RIPOR1: variants seen among roughly 807,000 people sequenced by gnomAD.
The protein encoded by RIPOR1 is RHO family interacting cell polarization regulator 1.
Under a neutral mutation model 116.5 loss-of-function variants are expected in RIPOR1, and 58 were observed. The observed-to-expected ratio is 0.50, with a 90% CI of 0.40 to 0.62. The LOEUF is 0.62. Ranked by LOEUF, RIPOR1 falls within the 20% of genes least tolerant of loss-of-function variation. The pLI, the probability that RIPOR1 is intolerant of heterozygous loss-of-function variation, is 0.00. For missense variants in RIPOR1, 1,372 were observed against 1,586.2 expected (o/e 0.86, Z 2.29); for synonymous variants, 605 against 650.0 (o/e 0.93, Z 1.05).
At position 67,543,686 on chromosome 16, in the gene RIPOR1, C is replaced by T. The variant is rs1319706844; in HGVS notation, c.2600+217C>T. On this transcript the variant is annotated intron_variant, in intron 14 of 21. Transcript: ENST00000042381. This position sits in a 1 kb window ranked among gnomAD's most constrained non-coding sequence, Gnocchi z 4.7. Reference sequence around the variant, plus strand: ...CCCATGTCTCCAACCCTACGTGTGTCCCCAGTGCTTCTGACCGCCCTCTTC... The same window carrying T: ...CCCATGTCTCCAACCCTACGTGTGTTCCCAGTGCTTCTGACCGCCCTCTTC... 6 of 637,152 alleles carry T rather than the reference C, an allele frequency of 9.4e-6. No homozygotes were observed. The highest frequency in any genetic ancestry group is 1.6e-5 in the Non-Finnish European group (6 of 368,740). The allele number at this position is 637,152 out of a possible 1,614,324, so 39.5% of individuals were successfully genotyped here.
intron 1 of RIPOR1, among the ~76,000 whole-genome samples, chr16:67,519,928 G>A (rs971878604): frequency 7.9e-5 from 12 of 151,552 alleles, no homozygotes; most frequent in African/African-American, 2.9e-4. Flanking sequence ...CGGGTGTGGT[G>A]GCGGGCACCT....
rs902013486 is a variant in RIPOR1, at chr16:67,530,608, T to C, written c.-24+1694T>C. ...AGAGGCAGCTGGCCTGGCACAGTGC[T>C]GAGATGGGCAGCCCAGGTGGTGGGA... On this transcript the variant is annotated intron_variant, in intron 1 of 21. Transcript: ENST00000042381. The surrounding 1 kb of genome is among the most constrained non-coding windows in gnomAD (Gnocchi z 4.5). Among the ~76,000 whole-genome samples, 1 of 152,150 alleles carries C rather than the reference T, an allele frequency of 6.6e-6. No homozygotes were observed. Among genetic ancestry groups the C allele is most frequent in the African/African-American group, 2.4e-5 (1 of 41,434 alleles).
At chr16:67,524,500 CCT>C, upstream of RIPOR1, among the ~76,000 whole-genome samples, 1 of 152,268 alleles carries the variant, frequency 6.6e-6, no homozygotes, top group Admixed American at 6.5e-5. Context: ...AGCTCAGACC[CCT>C]CTCTCTTCTC....
chr16:67,538,584 G>A, intron 2 of RIPOR1, 34 bp downstream of exon 2: 1 of 1,609,412 alleles, frequency 6.2e-7, no homozygotes, highest in Admixed American at 1.7e-5. Flanking sequence ...GGGGTCAAAG[G>A]GCGTCAGATG....
chr16:67,545,890 A>G lies in RIPOR1; in HGVS notation c.3387+30A>G, dbSNP rs1315046066. The G allele has an allele frequency of 6.2e-7, 1 of 1,611,482 alleles. No homozygotes were observed. Among genetic ancestry groups the G allele is most frequent in the Non-Finnish European group, 8.5e-7 (1 of 1,178,486 alleles). On this transcript the variant is annotated intron_variant, in intron 19 of 21. Coordinates refer to ENST00000042381, the MANE Select transcript of RIPOR1 (RefSeq NM_024519.4). This position sits in a 1 kb window ranked among gnomAD's most constrained non-coding sequence, Gnocchi z 4.8. ...GTTGGACAGGGCTCCCTTGAGGGCGAGGGCTGGGGTCCTGGACTCCCACTG... is the reference window on the plus strand; with the variant it reads ...GTTGGACAGGGCTCCCTTGAGGGCGGGGGCTGGGGTCCTGGACTCCCACTG...
rs1482254708 is a variant in RIPOR1 at position 67,540,669 on chromosome 16, T to C, written c.766T>C (p.Phe256Leu). Reference sequence around the variant, plus strand: ...GGTGTGGGACAGTGAAGAAACCATCTTTCTCCCTCTACTCACGGAATTTCT... The same window carrying C: ...GGTGTGGGACAGTGAAGAAACCATCCTTCTCCCTCTACTCACGGAATTTCT... ...KQVWDSEETI[F>L]LPLLTEFLSI... is the part of the protein sequence containing the mutation. The change falls in exon 10 of 22, where the codon TTT (phenylalanine) becomes CTT (leucine). Residue 256 changes from phenylalanine to leucine, a missense_variant. By Grantham distance (22) the Phe-to-Leu change is conservative. This residue lies in a region of RIPOR1 where 202 missense variants were observed against 295.9 expected (regional missense o/e 0.68). Coordinates refer to ENST00000042381, the MANE Select transcript of RIPOR1 (RefSeq NM_024519.4). This position sits in a 1 kb window ranked among gnomAD's most constrained non-coding sequence, Gnocchi z 4.7. The C allele has an allele frequency of 1.2e-6, 2 of 1,610,696 alleles. No individual in the cohort carries two copies. Among genetic ancestry groups the C allele is most frequent in the Admixed American group, 1.7e-5 (1 of 59,544 alleles).
In RIPOR1 at chr16:67,542,785, C is replaced by A. The variant is rs748931402; in HGVS notation, c.1999C>A (p.Pro667Thr). ...PTHPTTSPTH[P>T]TTSPILINVS... ...CCATCCTACCACAAGCCCCACCCAT[C>A]CCACCACAAGCCCCATCCTTATAAA... Residue 667 changes from proline (P) to threonine (T), a missense_variant, in exon 13 of 22, where the codon CCC (proline) becomes ACC (threonine). Pro to Thr is a conservative substitution (Grantham distance 38, BLOSUM62 -1). This residue lies in a region of RIPOR1 where 1,005 missense variants were observed against 1,144.7 expected (regional missense o/e 0.88). Coordinates refer to ENST00000042381, the MANE Select transcript of RIPOR1 (RefSeq NM_024519.4). The surrounding 1 kb of genome is among the most constrained non-coding windows in gnomAD (Gnocchi z 4.6). The A allele has an allele frequency of 8.1e-6, 13 of 1,611,874 alleles. No homozygotes were observed. Among genetic ancestry groups the A allele is most frequent in the African/African-American group, 1.3e-5 (1 of 74,676 alleles).
At position 67,543,262 on chromosome 16, in the gene RIPOR1, A is replaced by C; in HGVS notation, c.2476A>C (p.Met826Leu). The C allele has an allele frequency of 6.2e-7, 1 of 1,601,752 alleles. No individual in the cohort carries two copies. The highest frequency in any genetic ancestry group is 1.1e-5 in the South Asian group (1 of 89,704). The change falls in exon 13 of 22, where the codon ATG (methionine) becomes CTG (leucine). Residue 826 changes from methionine to leucine, a missense_variant and splice_region_variant. Transcript: ENST00000042381. The surrounding 1 kb of genome is among the most constrained non-coding windows in gnomAD (Gnocchi z 4.7). The stretch of plus-strand genomic sequence containing the variant: ...GGTGACCCGCCTAGAAAGTCTGCTC[A>C]TGGTGAGGAGGGCTGGGCTGGGCTA... ...QEVTRLESLLMQRQGLTRSRA... is the reference protein window; with the variant it reads ...QEVTRLESLLLQRQGLTRSRA...
chr16:67,544,277 G>A lies in RIPOR1; in HGVS notation c.2601-22G>A. On this transcript the variant is annotated intron_variant, in intron 14 of 21. Transcript: ENST00000042381. This position sits in a 1 kb window ranked among gnomAD's most constrained non-coding sequence, Gnocchi z 5.1. ...GGTGGTGATGTGTGCCTGTGGGGTGGTGGACCCCATTTTTCCCTCAGGCCT... is the reference window on the plus strand; with the variant it reads ...GGTGGTGATGTGTGCCTGTGGGGTGATGGACCCCATTTTTCCCTCAGGCCT... 6.3e-7 allele frequency: 1 copy of A among 1,586,988 alleles called. No individual in the cohort carries two copies. The highest frequency in any genetic ancestry group is 1.1e-5 in the South Asian group (1 of 90,230).
rs1196988281 is a variant in RIPOR1, at chr16:67,541,150, C to T, written c.802-280C>T. Among the ~76,000 whole-genome samples the T allele has an allele frequency of 6.6e-6, 1 of 152,054 alleles. No homozygotes were observed. On this transcript the variant is annotated intron_variant, in intron 10 of 21. Transcript: ENST00000042381. The surrounding 1 kb of genome is among the most constrained non-coding windows in gnomAD (Gnocchi z 4.6). Reference sequence around the variant, plus strand: ...GTGCAATCATACCTCACTGCAGTCTCAAACTCCTGGGCTCAACCCATCCTC... The same window carrying T: ...GTGCAATCATACCTCACTGCAGTCTTAAACTCCTGGGCTCAACCCATCCTC...
chr16:67,526,522 G>A (rs1245273147), upstream of RIPOR1, among the ~76,000 whole-genome samples: 1 of 152,242 alleles, frequency 6.6e-6, no homozygotes, highest in Admixed American at 6.5e-5. Flanking sequence ...AAAGGAAGGT[G>A]AGGGCAGGAG....
chr16:67,541,936 G>A lies in RIPOR1; in HGVS notation c.1150G>A (p.Asp384Asn). Residue 384 changes from aspartate to asparagine, a missense_variant, in exon 13 of 22, where the codon GAC becomes AAC. Asp to Asn is a conservative substitution (Grantham distance 23). Coordinates refer to ENST00000042381, the MANE Select transcript of RIPOR1 (RefSeq NM_024519.4). This position sits in a 1 kb window ranked among gnomAD's most constrained non-coding sequence, Gnocchi z 4.6. Reference sequence around the variant, plus strand: ...GTCCCTGTCATCTGAATCTTCAGACGACTCATCCAGCCCACAGCTCTCAGG... The same window carrying A: ...GTCCCTGTCATCTGAATCTTCAGACAACTCATCCAGCCCACAGCTCTCAGG... ...AWSLSSESSD[D>N]SSSPQLSGTA... is the part of the protein sequence containing the mutation. 7 of 1,612,020 alleles carry A rather than the reference G, an allele frequency of 4.3e-6. No homozygotes were observed. Among genetic ancestry groups the A allele is most frequent in the South Asian group, 2.2e-5 (2 of 91,038 alleles).
At chr16:67,520,284 G>A (rs1187442110) in intron 1 of RIPOR1, among the ~76,000 whole-genome samples, 1 of 151,632 alleles carries the variant, frequency 6.6e-6, no homozygotes, top group Non-Finnish European at 1.5e-5. Flanking sequence ...AGGACGCTGA[G>A]GTGGGAGGAT....
At chr16:67,536,195 C>T (rs1259448993) in intron 1 of RIPOR1, among the ~76,000 whole-genome samples, 1 of 152,192 alleles carries the variant, frequency 6.6e-6, no homozygotes, top group African/African-American at 2.4e-5. Flanking sequence ...TGCCTGTAAT[C>T]CCAGCACTTT....
chr16:67,539,679 G>A lies in RIPOR1; in HGVS notation c.337-49G>A, dbSNP rs776622780. 18 of 1,611,454 alleles carry A rather than the reference G, an allele frequency of 1.1e-5. No homozygotes were observed. In the East Asian group the frequency reaches 3.8e-4, roughly 34 times the overall value. The stretch of plus-strand genomic sequence containing the variant: ...GACGAGTCTGAGTGCCTCTGCTGGA[G>A]TCCTCCTCATCCCTCCTAAATATTT... On this transcript the variant is annotated intron_variant, in intron 4 of 21. Transcript: ENST00000042381.
intron 2 of RIPOR1, 51 bp from the exon 3 acceptor site, chr16:67,538,621 G>A: frequency 6.2e-7 from 1 of 1,607,168 alleles, no homozygotes; most frequent in Non-Finnish European, 8.5e-7. Context: ...TGCGTAGTGA[G>A]AGTCTGGGGG....
rs1185035359 is a variant in RIPOR1 at position 67,530,801 on chromosome 16, A to G, written c.-24+1887A>G. ...GAACCTTGGATCTGGGTTATTTCCCATCCTGGGAACAGACTATAGGGCTGA... is the reference window on the plus strand; with the variant it reads ...GAACCTTGGATCTGGGTTATTTCCCGTCCTGGGAACAGACTATAGGGCTGA... On this transcript the variant is annotated intron_variant, in intron 1 of 21. Coordinates refer to ENST00000042381, the MANE Select transcript of RIPOR1 (RefSeq NM_024519.4). This position sits in a 1 kb window ranked among gnomAD's most constrained non-coding sequence, Gnocchi z 4.5. Among the ~76,000 whole-genome samples, 1 of 152,116 alleles carries G rather than the reference A, an allele frequency of 6.6e-6. No homozygotes were observed. The highest frequency in any genetic ancestry group is 1.9e-4 in the East Asian group (1 of 5,184).
At chr16:67,524,221 G>C (rs1211081380), upstream of RIPOR1, among the ~76,000 whole-genome samples, 1 of 152,216 alleles carries the variant, frequency 6.6e-6, no homozygotes, top group African/African-American at 2.4e-5. Context: ...TGATGACAGT[G>C]GTAAAGCCAG....
chr16:67,523,521 TAAAAAA>T (rs1169903442), intron 1 of RIPOR1, among the ~76,000 whole-genome samples: 98 of 44,060 alleles, frequency 2.2e-3, no homozygotes, highest in African/African-American at 6.5e-3. Context: ...CAAGACTCCA[TAAAAAA>T]AAAAAAAAAA....
Sources: gnomAD v4.1 joint callset for allele counts (sites outside exome capture counted in the v4.1 genomes callset) on GRCh38, gnomAD v4.1.1 for gene constraint, gnomAD v4.1.1 regional missense constraint, Gnocchi (gnomAD v3.1) non-coding constraint, MANE v1.5 for transcripts, NCBI Gene and HGNC (gene_info 2026-07-23, HGNC 2026-07-21) for gene names.